The following EYS variants were observed in gnomAD, a reference collection of about 807,000 sequenced individuals.
EYS encodes the protein protein eyes shut homolog.
A neutral mutation model predicts 282.1 loss-of-function variants in EYS; 250 were observed. That is an observed-to-expected ratio of 0.89 (90% CI 0.80 to 0.98). The LOEUF (loss-of-function observed/expected upper bound fraction) is 0.98, where lower values mean the gene tolerates loss of function less well. Among genes scored for constraint, EYS ranks in the 50% least tolerant of loss-of-function variants. The pLI is 0.00. For synonymous variants in EYS, 1,355 were observed against 1,282.9 expected, an observed-to-expected ratio of 1.06 and a Z score of -1.20; for missense variants, 4,016 against 3,709.0, an observed-to-expected ratio of 1.08 and a Z score of -2.15.
At chr6:63,799,192 T>A (rs560710509) in intron 37 of EYS, among the ~76,000 whole-genome samples, 7 of 151,594 alleles carry the variant, frequency 4.6e-5, no homozygotes, top group African/African-American at 1.7e-4. Flanking sequence ...TTTTGTATTA[T>A]TAGTAGAGAC....
chr6:64,586,591 CAA>C (rs1474088980), intron 26 of EYS, among the ~76,000 whole-genome samples: 1 of 151,840 alleles, frequency 6.6e-6, no homozygotes, highest in African/African-American at 2.4e-5. Context: ...AAAGAAAAAA[CAA>C]GAGATAAAAT....
chr6:65,694,424 T>C (rs977718482), intron 1 of EYS, among the ~76,000 whole-genome samples: 2 of 149,174 alleles, frequency 1.3e-5, no homozygotes, highest in African/African-American at 4.9e-5. Context: ...TGTGATGCAA[T>C]TTAATATTTT....
intron 19 of EYS, among the ~76,000 whole-genome samples, chr6:64,841,560 A>G (rs545408941): frequency 1.3e-5 from 2 of 152,312 alleles, no homozygotes; most frequent in South Asian, 2.1e-4. Flanking sequence ...TGATGTAAAG[A>G]TAATGTAAGT....
At chr6:64,764,132 A>T (rs531756214) in intron 22 of EYS, among the ~76,000 whole-genome samples, 1 of 152,266 alleles carries the variant, frequency 6.6e-6, no homozygotes, top group African/African-American at 2.4e-5. Flanking sequence ...TCACAGCTCC[A>T]CTAGGCAATG....
chr6:64,684,797 T>C lies in EYS; in HGVS notation c.3444-58552A>G, dbSNP rs1583036988. 2.6e-5 allele frequency among the ~76,000 whole-genome samples: 4 copies of C among 151,830 alleles called. No homozygotes were observed. The East Asian group carries it at 7.7e-4, about 29-fold the overall frequency. ...TTAATAAAAATGGAATGTATAAAGA[T>C]ATAGTCAATAGAAAAATTAAAATAA... On this transcript the variant is annotated intron_variant, in intron 22 of 42. Coordinates refer to ENST00000503581, the MANE Select transcript of EYS (RefSeq NM_001142800.2).
intron 22 of EYS, among the ~76,000 whole-genome samples, chr6:64,726,249 G>A (rs762471151): frequency 7.2e-5 from 11 of 151,972 alleles, no homozygotes; most frequent in Non-Finnish European, 1.3e-4. Context: ...CTAATTATTT[G>A]GATGTTATGA....
At chr6:65,292,140 C>T (rs1307167440) in intron 12 of EYS, among the ~76,000 whole-genome samples, 1 of 151,618 alleles carries the variant, frequency 6.6e-6, no homozygotes, top group African/African-American at 2.4e-5. Context: ...ACCATAAATA[C>T]AAGCAACGGG....
chr6:65,179,443 T>A (rs2150232181), intron 12 of EYS, among the ~76,000 whole-genome samples: 1 of 152,160 alleles, frequency 6.6e-6, no homozygotes, highest in Non-Finnish European at 1.5e-5. Context: ...TCTGCGCAAA[T>A]AAACTAGAAA....
intron 36 of EYS, among the ~76,000 whole-genome samples, chr6:63,818,397 T>A (rs1386646273): frequency 6.6e-6 from 1 of 151,470 alleles, no homozygotes; most frequent in Admixed American, 6.6e-5. Context: ...AAAGATGTAG[T>A]TTTTTTTTCC....
At chr6:65,290,520 A>G (rs1001056662) in intron 12 of EYS, among the ~76,000 whole-genome samples, 1 of 151,256 alleles carries the variant, frequency 6.6e-6, no homozygotes, top group East Asian at 1.9e-4. Context: ...TAACTCCAGT[A>G]ATATACATTA....
At chr6:63,987,294 A>AC (rs1244872733) in intron 34 of EYS, among the ~76,000 whole-genome samples, 4 of 151,392 alleles carry the variant, frequency 2.6e-5, no homozygotes, top group Admixed American at 2.0e-4. Context: ...AAACTCTAGA[A>AC]CCCCCCAGTG....
intron 13 of EYS, among the ~76,000 whole-genome samples, chr6:64,998,491 T>C (rs1246750191): frequency 6.6e-6 from 1 of 152,214 alleles, no homozygotes; most frequent in Non-Finnish European, 1.5e-5. Flanking sequence ...TGCACTGTAA[T>C]AAATGTATCT....
chr6:64,172,651 C>T (rs993547019), intron 31 of EYS, among the ~76,000 whole-genome samples: 1 of 152,160 alleles, frequency 6.6e-6, no homozygotes, highest in African/African-American at 2.4e-5. Flanking sequence ...TACTGTGTGG[C>T]TCATTTCCTA....
At chr6:64,613,649 T>A (rs1490507979) in intron 24 of EYS, among the ~76,000 whole-genome samples, 1 of 151,826 alleles carries the variant, frequency 6.6e-6, no homozygotes, top group Non-Finnish European at 1.5e-5. Context: ...AAAACCAGGG[T>A]AGAAAAACAA....
chr6:64,522,180 T>C (rs1331684636), intron 26 of EYS, among the ~76,000 whole-genome samples: 1 of 151,790 alleles, frequency 6.6e-6, no homozygotes, highest in Non-Finnish European at 1.5e-5. Context: ...TTTCTTGTGC[T>C]ACACAAAAAC....
chr6:63,862,875 C>G (rs1404366328), intron 36 of EYS, among the ~76,000 whole-genome samples: 1 of 152,200 alleles, frequency 6.6e-6, no homozygotes, highest in Non-Finnish European at 1.5e-5. Context: ...TAACTCTTCC[C>G]CTCTTAAGTC....
intron 1 of EYS, among the ~76,000 whole-genome samples, chr6:65,648,417 G>A (rs1767535108): frequency 6.6e-6 from 1 of 151,784 alleles, no homozygotes; most frequent in Non-Finnish European, 1.5e-5. Flanking sequence ...AACCTGGATG[G>A]TATTGGAGAC....
At chr6:65,223,513 G>A (rs949870861) in intron 12 of EYS, among the ~76,000 whole-genome samples, 1 of 152,152 alleles carries the variant, frequency 6.6e-6, no homozygotes, top group Non-Finnish European at 1.5e-5. Context: ...TATTCCTAGT[G>A]TGTCTAGCTT....
intron 30 of EYS, among the ~76,000 whole-genome samples, chr6:64,296,531 GTACTGGC>G (rs141583297): frequency 1.5e-4 from 2 of 13,488 alleles, no homozygotes; most frequent in Non-Finnish European, 4.4e-4. Context: ...GACAACAATT[GTACTGGC>G]AGAATATATA....
Sources: gnomAD v4.1 joint callset for allele counts (sites outside exome capture counted in the v4.1 genomes callset) on GRCh38, gnomAD v4.1.1 for gene constraint, MANE v1.5 for transcripts, NCBI Gene and HGNC (gene_info 2026-07-23, HGNC 2026-07-21) for gene names.